Variants in CBFA2T3 observed in about 807,000 individuals in gnomAD.
CBFA2T3 encodes transcriptional corepressor CBFA2T3.
CBFA2T3 carries 31 observed loss-of-function variants against 58.6 expected under a neutral mutation model. The observed-to-expected ratio is 0.53, with a 90% CI of 0.40 to 0.71. CBFA2T3 has a LOEUF of 0.71. Among genes scored for constraint, CBFA2T3 ranks in the 30% least tolerant of loss-of-function variants. The pLI, the probability that CBFA2T3 is intolerant of heterozygous loss-of-function variation, is 0.00. For missense variants in CBFA2T3, 1,076 were observed against 963.1 expected, an observed-to-expected ratio of 1.12 and a Z score of -1.55; for synonymous variants, 531 against 421.9, an observed-to-expected ratio of 1.26 and a Z score of -3.17.
intron 1 of CBFA2T3, among the ~76,000 whole-genome samples, chr16:88,910,948 T>C (rs1437660535): frequency 2.0e-5 from 3 of 149,440 alleles, no homozygotes; most frequent in Non-Finnish European, 4.4e-5. Flanking sequence ...AGAGGCGGCC[T>C]GAGAGCCTCA....
chr16:88,907,088 A>G (rs1372614898), intron 1 of CBFA2T3, among the ~76,000 whole-genome samples: 1 of 152,196 alleles, frequency 6.6e-6, no homozygotes, highest in Non-Finnish European at 1.5e-5. Context: ...CGAAGTGCCC[A>G]TGAAAGAGAA....
intron 3 of CBFA2T3, among the ~76,000 whole-genome samples, chr16:88,892,790 C>A (rs1969698921): frequency 6.6e-6 from 1 of 152,198 alleles, no homozygotes; most frequent in South Asian, 2.1e-4. Context: ...CCCCAGGTCC[C>A]CAATGGGTAA....
chr16:88,966,333 C>T (rs1972502508), intron 1 of CBFA2T3, among the ~76,000 whole-genome samples: 1 of 152,194 alleles, frequency 6.6e-6, no homozygotes, highest in South Asian at 2.1e-4. Flanking sequence ...GAGGCCTGTG[C>T]CGGGGTAGGG....
intron 1 of CBFA2T3, among the ~76,000 whole-genome samples, chr16:88,941,509 A>G (rs1971730724): frequency 1.4e-5 from 2 of 146,816 alleles, no homozygotes; most frequent in Non-Finnish European, 3.0e-5. Flanking sequence ...GCCGCCCCCA[A>G]CGCCTCCGCC....
At chr16:88,908,112 T>C (rs539540042) in intron 1 of CBFA2T3, among the ~76,000 whole-genome samples, 16 of 152,186 alleles carry the variant, frequency 1.1e-4, no homozygotes, top group African/African-American at 3.6e-4. Flanking sequence ...GAGGCCAAGG[T>C]AGGCAAACCA....
intron 1 of CBFA2T3, among the ~76,000 whole-genome samples, chr16:88,972,116 G>A (rs1045225444): frequency 1.3e-5 from 2 of 152,228 alleles, no homozygotes; most frequent in Admixed American, 6.5e-5. Context: ...GGACATGGCT[G>A]GTTGCTGTCC....
chr16:88,968,018 G>A (rs185584724), intron 1 of CBFA2T3, among the ~76,000 whole-genome samples: 9 of 152,342 alleles, frequency 5.9e-5, no homozygotes, highest in South Asian at 4.1e-4. Flanking sequence ...CCTTCTTTTC[G>A]CACCATGACT....
intron 1 of CBFA2T3, among the ~76,000 whole-genome samples, chr16:88,943,682 C>T (rs146986689): frequency 1.1e-4 from 16 of 152,298 alleles, no homozygotes; most frequent in East Asian, 5.8e-4. Flanking sequence ...CCGTGCTGTG[C>T]GGATGCTCCC....
chr16:88,951,411 C>T (rs1271207187), intron 1 of CBFA2T3: 1 of 437,022 alleles, frequency 2.3e-6, no homozygotes, highest in East Asian at 7.2e-5. Context: ...GTATCATTAG[C>T]TGCGTCTTAT....
chr16:88,920,115 G>A (rs995622147), intron 1 of CBFA2T3, among the ~76,000 whole-genome samples: 14 of 152,284 alleles, frequency 9.2e-5, no homozygotes, highest in Admixed American at 3.3e-4. Flanking sequence ...GTGTGCGCCC[G>A]AGGCCTGCCG....
intron 1 of CBFA2T3, among the ~76,000 whole-genome samples, chr16:88,906,661 C>G (rs532308147): frequency 5.3e-5 from 8 of 152,322 alleles, no homozygotes; most frequent in African/African-American, 1.9e-4. Context: ...GAACCTGGTG[C>G]CCCAGGCCTA....
intron 1 of CBFA2T3, among the ~76,000 whole-genome samples, chr16:88,918,861 T>A (rs1251937352): frequency 6.6e-6 from 1 of 152,240 alleles, no homozygotes; most frequent in Non-Finnish European, 1.5e-5. Flanking sequence ...CTCGCCGGGT[T>A]ATCAGTGTAA....
At chr16:88,920,698 C>T (rs1460117572) in intron 1 of CBFA2T3, among the ~76,000 whole-genome samples, 1 of 152,188 alleles carries the variant, frequency 6.6e-6, no homozygotes, top group Admixed American at 6.5e-5. Context: ...TGCAGGTGGA[C>T]AAGGGCGGCC....
intron 2 of CBFA2T3, among the ~76,000 whole-genome samples, chr16:88,900,748 C>G (rs1263201602): frequency 6.6e-6 from 1 of 152,234 alleles, no homozygotes; most frequent in Non-Finnish European, 1.5e-5. Flanking sequence ...GCCGGCCCAG[C>G]AACTGGGCCA....
intron 10 of CBFA2T3, 134 bp downstream of exon 10, chr16:88,880,586 C>T (rs776243417): frequency 3.7e-5 from 27 of 731,294 alleles, no homozygotes; most frequent in East Asian, 1.1e-4. Context: ...AGCCACACAG[C>T]GGAATGCAGA....
chr16:88,973,454 G>A (rs947317759), intron 1 of CBFA2T3, among the ~76,000 whole-genome samples: 11 of 152,182 alleles, frequency 7.2e-5, no homozygotes, highest in Non-Finnish European at 1.6e-4. Context: ...GAGAACAGAA[G>A]CCTCTGTTGT....
intron 5 of CBFA2T3, among the ~76,000 whole-genome samples, chr16:88,887,887 C>T (rs1224574491): frequency 1.3e-5 from 2 of 152,208 alleles, no homozygotes; most frequent in Non-Finnish European, 1.5e-5. Flanking sequence ...ATGACGGCGG[C>T]GGTGGCTGAG....
chr16:88,957,400 G>A (rs1318202377), intron 1 of CBFA2T3, among the ~76,000 whole-genome samples: 2 of 152,224 alleles, frequency 1.3e-5, no homozygotes, highest in Non-Finnish European at 2.9e-5. Context: ...CACCTGACTC[G>A]GGATAACAGT....
chr16:88,951,454 G>A, intron 1 of CBFA2T3: 1 of 387,448 alleles, frequency 2.6e-6, no homozygotes, highest in Non-Finnish European at 5.1e-6. Flanking sequence ...TTACCTGTAT[G>A]TTTGAATTTT....
Sources: gnomAD v4.1 joint callset for allele counts (sites outside exome capture counted in the v4.1 genomes callset) on GRCh38, gnomAD v4.1.1 for gene constraint, MANE v1.5 for transcripts, NCBI Gene and HGNC (gene_info 2026-07-23, HGNC 2026-07-21) for gene names.